The following KCNIP4 variants were observed in gnomAD, a reference collection of about 807,000 sequenced individuals.
KCNIP4 encodes Kv channel-interacting protein 4.
KCNIP4 carries 12 observed loss-of-function variants against 34.0 expected under a neutral mutation model. The observed-to-expected ratio is 0.35, with a 90% CI of 0.23 to 0.57. The LOEUF is 0.57. Among genes scored for constraint, KCNIP4 ranks in the 20% least tolerant of loss-of-function variants. KCNIP4 has a pLI of 0.83. For missense variants in KCNIP4, 238 were observed against 311.7 expected, an observed-to-expected ratio of 0.76 and a Z score of 1.78; for synonymous variants, 124 against 102.2, an observed-to-expected ratio of 1.21 and a Z score of -1.29.
At chr4:21,241,929 C>T (rs551409092) in intron 1 of KCNIP4, among the ~76,000 whole-genome samples, 1 of 152,044 alleles carries the variant, frequency 6.6e-6, no homozygotes, top group South Asian at 2.1e-4. Flanking sequence ...CTTTGGGAGG[C>T]CAAGGCGGGT....
intron 1 of KCNIP4, among the ~76,000 whole-genome samples, chr4:21,817,820 T>C (rs547925773): frequency 6.6e-6 from 1 of 152,134 alleles, no homozygotes; most frequent in Non-Finnish European, 1.5e-5. Context: ...TTTTCTGTTG[T>C]TTAAGATGTT....
chr4:21,901,322 T>C (rs747316486), intron 1 of KCNIP4, among the ~76,000 whole-genome samples: 1 of 152,234 alleles, frequency 6.6e-6, no homozygotes, highest in Non-Finnish European at 1.5e-5. Flanking sequence ...GTTTTACTAT[T>C]GCTATTAAAT....
intron 1 of KCNIP4, among the ~76,000 whole-genome samples, chr4:21,428,424 A>T (rs575767927): frequency 6.6e-6 from 1 of 152,272 alleles, no homozygotes; most frequent in South Asian, 2.1e-4. Context: ...AGTTTCTTCA[A>T]CTGATATTTT....
intron 1 of KCNIP4, among the ~76,000 whole-genome samples, chr4:21,343,595 C>T (rs1255258227): frequency 6.6e-6 from 1 of 152,034 alleles, no homozygotes; most frequent in Non-Finnish European, 1.5e-5. Context: ...AAGTCTTTAC[C>T]AGGATCCATG....
At chr4:21,495,950 A>T (rs941904800) in intron 1 of KCNIP4, among the ~76,000 whole-genome samples, 2 of 152,132 alleles carry the variant, frequency 1.3e-5, no homozygotes, top group African/African-American at 4.8e-5. Context: ...CTCATTCCAG[A>T]AGTTTGTGGG....
intron 1 of KCNIP4, among the ~76,000 whole-genome samples, chr4:21,173,290 A>G (rs145950143): frequency 3.7e-4 from 56 of 152,310 alleles, no homozygotes; most frequent in African/African-American, 1.2e-3. Flanking sequence ...CTTTGTAAAT[A>G]TCCACTACAC....
intron 1 of KCNIP4, among the ~76,000 whole-genome samples, chr4:21,076,847 G>A (rs1745532593): frequency 6.6e-6 from 1 of 152,154 alleles, no homozygotes. Flanking sequence ...TGGGGGCTGG[G>A]TGCAGTGGCT....
chr4:21,147,962 A>AAAAG (rs1752497133), intron 1 of KCNIP4, among the ~76,000 whole-genome samples: 4 of 123,920 alleles, frequency 3.2e-5, no homozygotes, highest in South Asian at 2.8e-4. Context: ...AAAAAAAAAG[A>AAAAG]AAAAAAGTTC....
intron 1 of KCNIP4, among the ~76,000 whole-genome samples, chr4:21,812,869 T>A (rs1308006356): frequency 6.6e-6 from 1 of 152,102 alleles, no homozygotes; most frequent in Non-Finnish European, 1.5e-5. Context: ...AGCCAGAAAT[T>A]CTGATGTTTC....
intron 1 of KCNIP4, among the ~76,000 whole-genome samples, chr4:21,799,515 C>A (rs545418398): frequency 6.6e-6 from 1 of 152,222 alleles, no homozygotes; most frequent in East Asian, 1.9e-4. Flanking sequence ...GAGGTAGTGA[C>A]TAAGAAATTA....
At chr4:21,181,655 G>T (rs751489829) in intron 1 of KCNIP4, among the ~76,000 whole-genome samples, 16 of 152,086 alleles carry the variant, frequency 1.1e-4, no homozygotes, top group Non-Finnish European at 2.1e-4. Flanking sequence ...AGTGCATGTG[G>T]CAGGCACAAG....
intron 1 of KCNIP4, among the ~76,000 whole-genome samples, chr4:21,858,579 G>T (rs111955970): frequency 6.6e-4 from 101 of 152,210 alleles, no homozygotes; most frequent in African/African-American, 2.4e-3. Flanking sequence ...AACTCAAAAG[G>T]TTCACTGTAA....
intron 1 of KCNIP4, among the ~76,000 whole-genome samples, chr4:20,894,900 C>A (rs1392644253): frequency 6.6e-6 from 1 of 152,134 alleles, no homozygotes; most frequent in Non-Finnish European, 1.5e-5. Context: ...ACAATAAGAA[C>A]AAAGAGAACC....
chr4:21,301,686 C>A (rs1195729129), intron 1 of KCNIP4, among the ~76,000 whole-genome samples: 1 of 152,092 alleles, frequency 6.6e-6, no homozygotes, highest in Non-Finnish European at 1.5e-5. Flanking sequence ...TGATAATAAA[C>A]ATTGCTTATC....
intron 1 of KCNIP4, among the ~76,000 whole-genome samples, chr4:21,031,616 G>C (rs1281358736): frequency 1.3e-5 from 2 of 152,156 alleles, no homozygotes; most frequent in African/African-American, 4.8e-5. Flanking sequence ...TGCAAAGAAG[G>C]CTTCTCTCCA....
At chr4:21,318,917 A>G (rs892909543) in intron 1 of KCNIP4, among the ~76,000 whole-genome samples, 2 of 152,266 alleles carry the variant, frequency 1.3e-5, no homozygotes, top group Admixed American at 1.3e-4. Flanking sequence ...AAGCTGTGAA[A>G]AAAACTCAAC....
intron 1 of KCNIP4, among the ~76,000 whole-genome samples, chr4:21,088,753 T>C (rs1468342341): frequency 1.3e-5 from 2 of 152,132 alleles, no homozygotes; most frequent in African/African-American, 4.8e-5. Flanking sequence ...TTGCCTTCTC[T>C]CCCTAGACAA....
chr4:21,027,826 C>A (rs1740683812), intron 1 of KCNIP4, among the ~76,000 whole-genome samples: 1 of 152,054 alleles, frequency 6.6e-6, no homozygotes, highest in Non-Finnish European at 1.5e-5. Flanking sequence ...ATTCACTCTT[C>A]TTTGTTTTTT....
chr4:20,885,668 G>A (rs1263077576), intron 1 of KCNIP4, among the ~76,000 whole-genome samples: 2 of 152,210 alleles, frequency 1.3e-5, no homozygotes, highest in Non-Finnish European at 2.9e-5. Flanking sequence ...TATCTGGGCA[G>A]CAGGCAAAAT....
Sources: gnomAD v4.1 joint callset for allele counts (sites outside exome capture counted in the v4.1 genomes callset) on GRCh38, gnomAD v4.1.1 for gene constraint, MANE v1.5 for transcripts, NCBI Gene and HGNC (gene_info 2026-07-23, HGNC 2026-07-21) for gene names.